MMS22L: variants seen among roughly 807,000 people sequenced by gnomAD.
MMS22L encodes the protein protein MMS22-like.
MMS22L carries 74 observed loss-of-function variants against 159.1 expected under a neutral mutation model. That is an observed-to-expected ratio of 0.47 (90% CI 0.39 to 0.56). MMS22L has a LOEUF of 0.56. Ranked by LOEUF, MMS22L falls within the 20% of genes least tolerant of loss-of-function variation. The pLI, the probability that MMS22L is intolerant of heterozygous loss-of-function variation, is 0.00. For synonymous variants in MMS22L, 517 were observed against 506.9 expected, an observed-to-expected ratio of 1.02 and a Z score of -0.27; for missense variants, 1,351 against 1,422.1, an observed-to-expected ratio of 0.95 and a Z score of 0.80.
chr6:97,227,875 T>C (rs899555064), intron 14 of MMS22L, among the ~76,000 whole-genome samples: 12 of 152,362 alleles, frequency 7.9e-5, no homozygotes, highest in African/African-American at 2.6e-4. Flanking sequence ...ATAAATATCA[T>C]AACCATTGTT....
At chr6:97,226,085 G>A (rs1810215293) in intron 14 of MMS22L, among the ~76,000 whole-genome samples, 1 of 152,068 alleles carries the variant, frequency 6.6e-6, no homozygotes, top group Admixed American at 6.5e-5. Flanking sequence ...CAAGTACACA[G>A]AAATACATTT....
intron 13 of MMS22L, 105 bp downstream of exon 13, chr6:97,231,321 A>G (rs527258597): frequency 7.6e-6 from 6 of 785,072 alleles, no homozygotes; most frequent in South Asian, 3.5e-5. Context: ...TAGTAACATT[A>G]TAACTAATTA....
chr6:97,213,953 T>TA (rs781534424), intron 14 of MMS22L, among the ~76,000 whole-genome samples: 98 of 151,924 alleles, frequency 6.5e-4, no homozygotes, highest in Non-Finnish European at 1.3e-3. Flanking sequence ...TGGAAAAAGT[T>TA]AAAAAAAAAT....
intron 16 of MMS22L, among the ~76,000 whole-genome samples, chr6:97,181,392 G>A (rs1363903869): frequency 6.6e-6 from 1 of 151,728 alleles, no homozygotes; most frequent in Non-Finnish European, 1.5e-5. Context: ...CTTGTGTAAT[G>A]TGGCAGGAAA....
intron 14 of MMS22L, among the ~76,000 whole-genome samples, chr6:97,201,149 C>T (rs916297287): frequency 9.9e-5 from 15 of 152,096 alleles, no homozygotes; most frequent in African/African-American, 3.6e-4. Flanking sequence ...AATCAGCTTA[C>T]AACATCTGTG....
chr6:97,193,173 C>CAGGCTCTAT (rs1222573833), intron 14 of MMS22L, among the ~76,000 whole-genome samples: 1 of 152,156 alleles, frequency 6.6e-6, no homozygotes, highest in East Asian at 1.9e-4. Flanking sequence ...TGGGGAGTGC[C>CAGGCTCTAT]AGGCTCTATA....
chr6:97,222,005 T>C (rs1280758957), intron 14 of MMS22L, among the ~76,000 whole-genome samples: 3 of 152,076 alleles, frequency 2.0e-5, no homozygotes, highest in African/African-American at 7.2e-5. Context: ...GTCAAAAGTA[T>C]CATTTCTATT....
intron 22 of MMS22L, among the ~76,000 whole-genome samples, chr6:97,159,000 G>A (rs1311294123): frequency 3.9e-5 from 6 of 152,174 alleles, no homozygotes; most frequent in Admixed American, 2.0e-4. Flanking sequence ...CCTGTATTGG[G>A]TGCATATACA....
chr6:97,157,683 T>A (rs1371050450), intron 22 of MMS22L, among the ~76,000 whole-genome samples: 1 of 152,200 alleles, frequency 6.6e-6, no homozygotes, highest in East Asian at 1.9e-4. Context: ...TTGATCGTGG[T>A]GGATAAGCTT....
chr6:97,254,295 A>G (rs1813544096), intron 10 of MMS22L: 1 of 281,188 alleles, frequency 3.6e-6, no homozygotes, highest in Admixed American at 4.8e-5. Context: ...GGTTTAAGTA[A>G]TTTGCTCAGG....
intron 20 of MMS22L, among the ~76,000 whole-genome samples, chr6:97,166,411 G>A (rs1019136083): frequency 4.6e-5 from 7 of 151,998 alleles, no homozygotes; most frequent in Admixed American, 2.6e-4. Context: ...AGTTGTAAAC[G>A]GGTACTTACC....
chr6:97,149,739 C>T lies in MMS22L; in HGVS notation c.3650+114G>A. On this transcript the variant is annotated intron_variant, in intron 24 of 24. Transcript: ENST00000683635. The stretch of plus-strand genomic sequence containing the variant: ...ATCACAGTACTGAAACATTTTTCAT[C>T]TCAAAAGAACATACCCAAATTTTGG... 4 of 1,085,706 alleles carry T rather than the reference C, an allele frequency of 3.7e-6. No homozygotes were observed. The East Asian group carries it at 8.2e-5, about 22-fold the overall frequency. 67.3% of individuals were successfully genotyped at this position (1,085,706 alleles called of 1,614,324 possible).
chr6:97,200,241 T>C (rs1806995503), intron 14 of MMS22L, among the ~76,000 whole-genome samples: 1 of 152,154 alleles, frequency 6.6e-6, no homozygotes, highest in Admixed American at 6.6e-5. Flanking sequence ...AATAAATTTC[T>C]TAATTTTAAA....
At chr6:97,262,348 T>C (rs1249886199) in intron 9 of MMS22L, among the ~76,000 whole-genome samples, 2 of 151,966 alleles carry the variant, frequency 1.3e-5, no homozygotes, top group Non-Finnish European at 2.9e-5. Context: ...GAGTTGTTAT[T>C]AAAAAAAGAT....
At chr6:97,246,360 T>C (rs1224631069) in intron 11 of MMS22L, among the ~76,000 whole-genome samples, 4 of 152,218 alleles carry the variant, frequency 2.6e-5, no homozygotes, top group African/African-American at 9.6e-5. Context: ...AGTCAAGGAA[T>C]GGCATACAGT....
intron 22 of MMS22L, among the ~76,000 whole-genome samples, chr6:97,157,112 GTCTC>G (rs200357124): frequency 0.028 from 4,332 of 152,060 alleles, 287 homozygotes; most frequent in East Asian, 0.22. Flanking sequence ...CTCATGATTT[GTCTC>G]TCTGTCTGTT....
intron 19 of MMS22L, among the ~76,000 whole-genome samples, chr6:97,169,369 A>G (rs1003591730): frequency 1.3e-5 from 2 of 152,122 alleles, no homozygotes; most frequent in African/African-American, 4.8e-5. Context: ...ATGAATTTAA[A>G]AACAGATTAA....
At chr6:97,204,986 C>A (rs566147485) in intron 14 of MMS22L, among the ~76,000 whole-genome samples, 1 of 127,210 alleles carries the variant, frequency 7.9e-6, no homozygotes, top group Non-Finnish European at 1.6e-5. Context: ...CTCTGCTGCC[C>A]TGGCTGGAGT....
chr6:97,234,788 T>A (rs1269441044), intron 11 of MMS22L, among the ~76,000 whole-genome samples: 1 of 152,226 alleles, frequency 6.6e-6, no homozygotes. Context: ...CATTATTTTA[T>A]TAGCTGCTAT....
Sources: allele counts gnomAD v4.1 joint callset (sites outside exome capture counted in the v4.1 genomes callset), GRCh38; gene constraint gnomAD v4.1.1; transcripts MANE v1.5; gene names NCBI Gene and HGNC (gene_info 2026-07-23, HGNC 2026-07-21).